CYP7A1: variants seen among roughly 807,000 people sequenced by gnomAD.
CYP7A1 encodes the protein cytochrome P450 family 7 subfamily A member 1.
CYP7A1 carries 28 observed loss-of-function variants against 43.8 expected under a neutral mutation model. The ratio of observed to expected loss-of-function variants is 0.64; its 90% CI spans 0.47 to 0.88. The LOEUF (loss-of-function observed/expected upper bound fraction) is 0.88, where lower values mean the gene tolerates loss of function less well. Ranked by LOEUF, CYP7A1 falls within the 40% of genes least tolerant of loss-of-function variation. The pLI is 0.00. For missense variants in CYP7A1, 637 were observed against 611.9 expected (o/e 1.04, Z -0.43); for synonymous variants, 227 against 222.5 (o/e 1.02, Z -0.18).
At chr8:58,495,145 T>A (rs764421090) in intron 3 of CYP7A1, among the ~76,000 whole-genome samples, 29 of 151,072 alleles carry the variant, frequency 1.9e-4, no homozygotes, top group East Asian at 9.7e-4. Context: ...AAAAAAAAAA[T>A]AATAATAATA....
chr8:58,494,724 T>C, intron 3 of CYP7A1, 88 bp from the exon 4 acceptor site: 2 of 1,216,886 alleles, frequency 1.6e-6, no homozygotes, highest in Non-Finnish European at 2.4e-6. Flanking sequence ...CCTTTCCCCC[T>C]TCTTTTAACT....
chr8:58,495,091 G>GC (rs933135979), intron 3 of CYP7A1, among the ~76,000 whole-genome samples: 1 of 150,894 alleles, frequency 6.6e-6, no homozygotes, highest in African/African-American at 2.4e-5. Flanking sequence ...CCATGATCGT[G>GC]CCACTGCATT....
At position 58,498,217 on chromosome 8, in the gene CYP7A1, A is replaced by T; in HGVS notation, c.321+12T>A. The T allele has an allele frequency of 6.2e-7, 1 of 1,613,884 alleles. No individual in the cohort carries two copies. The highest frequency in any genetic ancestry group is 2.2e-5 in the East Asian group (1 of 44,874). ...GACAAACAGAATGGTATATAAATGTAAAACTGCTTACCTTCGCAGAAGTAG... is the reference window on the plus strand; with the variant it reads ...GACAAACAGAATGGTATATAAATGTTAAACTGCTTACCTTCGCAGAAGTAG... On this transcript the variant is annotated intron_variant, in intron 2 of 5. Transcript: ENST00000301645.
chr8:58,492,448 GGTGCAAA>G lies in CYP7A1; in HGVS notation c.1113_1119del (p.His373ArgfsTer13). On this transcript the variant is annotated frameshift_variant, in exon 5 of 6. Transcript: ENST00000301645. LOFTEE classifies it high-confidence loss of function. ...CGGATGTTGTAGGAACCGTCCTCAA[GGTGCAAA>G]GTGAAATCCTCCTTAGCTGTCCGGA... The G allele has an allele frequency of 6.2e-7, 1 of 1,613,968 alleles. No homozygotes were observed. The highest frequency in any genetic ancestry group is 8.5e-7 in the Non-Finnish European group (1 of 1,179,886).
rs987197708 is a variant in CYP7A1 at position 58,490,816 on chromosome 8, C to T, written c.*659G>A. On this transcript the variant is annotated 3_prime_UTR_variant, in exon 6 of 6. Transcript: ENST00000301645. ...AAAATATTTCCTTTTTATTAAAAGACATAACTAATCATAATCATTTGAAAT... is the reference window on the plus strand; with the variant it reads ...AAAATATTTCCTTTTTATTAAAAGATATAACTAATCATAATCATTTGAAAT... 1 of 152,166 alleles carries T rather than the reference C, an allele frequency of 6.6e-6. No individual in the cohort carries two copies. The highest frequency in any genetic ancestry group is 1.5e-5 in the Non-Finnish European group (1 of 68,026). The allele number at this position is 152,166 out of a possible 1,614,324, so 9.4% of individuals were successfully genotyped here. A position where few individuals can be genotyped will look rare whatever the true frequency, so the allele number is the denominator to read the frequency against.
At chr8:58,493,706 TATC>T (rs1167575675) in intron 4 of CYP7A1, among the ~76,000 whole-genome samples, 8 of 152,298 alleles carry the variant, frequency 5.3e-5, no homozygotes, top group African/African-American at 1.9e-4. Context: ...ACTATAAACA[TATC>T]ATATTGTTGG....
chr8:58,496,865 A>G lies in CYP7A1; in HGVS notation c.647T>C (p.Phe216Ser). The change falls in exon 3 of 6, where the codon TTT (phenylalanine) becomes TCT (serine). Residue 216 changes from phenylalanine to serine, a missense_variant. Physicochemically the swap from Phe to Ser is radical, Grantham distance 155. Transcript: ENST00000301645. ...LDNFKQFDKV[F>S]PALVAGLPIH... is the part of the protein sequence containing the mutation. ...GGGGAGGCCTGCTACCAGGGCTGGA[A>G]AGACTTTGTCGAATTGCTTGAAGTT... 1 of 1,614,220 alleles carries G rather than the reference A, an allele frequency of 6.2e-7. No individual in the cohort carries two copies.
chr8:58,495,387 A>G (rs1368511693), intron 3 of CYP7A1, among the ~76,000 whole-genome samples: 2 of 151,618 alleles, frequency 1.3e-5, no homozygotes, highest in Admixed American at 6.6e-5. Flanking sequence ...CACCACGCCC[A>G]GCTAATTTTT....
Position 58,491,156 on chromosome 8 carries a change from A to G in CYP7A1, c.*319T>C, listed in dbSNP as rs1809345197. On this transcript the variant is annotated 3_prime_UTR_variant, in exon 6 of 6. Coordinates refer to ENST00000301645, the MANE Select transcript of CYP7A1 (RefSeq NM_000780.4). ...GGCTGTAATGTGTATCTTCATTTTG[A>G]AAAAAAATAAAATAAAGGTGTTTTC... 3.2e-6 allele frequency: 1 copy of G among 311,510 alleles called. No homozygotes were observed. Among genetic ancestry groups the G allele is most frequent in the South Asian group, 4.5e-5 (1 of 22,242 alleles). 19.3% of individuals were successfully genotyped at this position (311,510 alleles called of 1,614,324 possible).
At chr8:58,497,307 G>T in intron 2 of CYP7A1, 117 bp from the exon 3 acceptor site, 1 of 883,676 alleles carries the variant, frequency 1.1e-6, no homozygotes, top group Non-Finnish European at 1.8e-6. Flanking sequence ...CGGGAAATTG[G>T]CTTTCCCTTG....
At chr8:58,496,318 C>T (rs1356062369) in intron 3 of CYP7A1, among the ~76,000 whole-genome samples, 3 of 152,304 alleles carry the variant, frequency 2.0e-5, no homozygotes, top group Non-Finnish European at 4.4e-5. Context: ...GGCCAGGCAG[C>T]CTGAATTGAC....
At position 58,500,072 on chromosome 8, in the gene CYP7A1, C is replaced by G. The variant is rs376891373; in HGVS notation, c.27G>C (p.Gly9=). Residue 9 remains glycine (G), a synonymous_variant, in exon 1 of 6, where the codon GGG becomes GGC. Transcript: ENST00000301645. The part of the protein sequence containing the change: MMTTSLIW[G]IAIAACCCLW... The stretch of plus-strand genomic sequence containing the variant: ...GACAACAGCATGCTGCTATAGCAAT[C>G]CCCCAAATCAAAGATGTGGTCATCA... 5.0e-6 allele frequency: 8 copies of G among 1,612,790 alleles called. No homozygotes were observed. In the African/African-American group the frequency reaches 1.1e-4, roughly 22 times the overall value.
chr8:58,491,205 C>T lies in CYP7A1; in HGVS notation c.*270G>A. 2.4e-6 allele frequency: 1 copy of T among 422,466 alleles called. No individual in the cohort carries two copies. The highest frequency in any genetic ancestry group is 3.7e-5 in the East Asian group (1 of 27,002). 26.2% of individuals were successfully genotyped at this position (422,466 alleles called of 1,614,324 possible). On this transcript the variant is annotated 3_prime_UTR_variant, in exon 6 of 6. Coordinates refer to ENST00000301645, the MANE Select transcript of CYP7A1 (RefSeq NM_000780.4). ...TCCTTTGAAAATAATAAACTTCAAT[C>T]CCTGGCTATATGAACATTCATGGAC...
chr8:58,497,852 G>C (rs1310244293), intron 2 of CYP7A1, among the ~76,000 whole-genome samples: 1 of 152,076 alleles, frequency 6.6e-6, no homozygotes, highest in East Asian at 1.9e-4. Context: ...ATGAAACACT[G>C]TGTGGCACAA....
chr8:58,491,827 A>T, intron 5 of CYP7A1, 53 bp from the exon 6 acceptor site: 1 of 1,470,434 alleles, frequency 6.8e-7, no homozygotes, highest in Non-Finnish European at 9.5e-7. Context: ...AAAGAAATTT[A>T]TCTCTTTCTA....
intron 3 of CYP7A1, among the ~76,000 whole-genome samples, chr8:58,495,403 G>A (rs1276817738): frequency 1.3e-5 from 2 of 151,298 alleles, no homozygotes; most frequent in Non-Finnish European, 2.9e-5. Context: ...TTTTTTGTAT[G>A]TTTTTTAGTA....
At chr8:58,492,286 AT>A (rs1809362944) in intron 5 of CYP7A1, 66 bp downstream of exon 5, 9 of 1,240,026 alleles carry the variant, frequency 7.3e-6, no homozygotes, top group Non-Finnish European at 1.1e-5. Flanking sequence ...ACCATTGTAA[AT>A]TTCCTCTTTA....
chr8:58,497,350 C>A (rs1225573613), intron 2 of CYP7A1, among the ~76,000 whole-genome samples, 160 bp from the exon 3 acceptor site: 1 of 152,162 alleles, frequency 6.6e-6, no homozygotes, highest in Non-Finnish European at 1.5e-5. Flanking sequence ...AATAAATGAC[C>A]AAACTGTACC....
chr8:58,496,586 G>A lies in CYP7A1; in HGVS notation c.908+18C>T. ...TTCTACTAAAATAAAAAAAAGAAAT[G>A]GATATGGCGTTAGTCACCTAATCAT... On this transcript the variant is annotated intron_variant, in intron 3 of 5. Coordinates refer to ENST00000301645, the MANE Select transcript of CYP7A1 (RefSeq NM_000780.4). 2.5e-6 allele frequency: 4 copies of A among 1,585,990 alleles called. No homozygotes were observed. Among genetic ancestry groups the A allele is most frequent in the Non-Finnish European group, 3.5e-6 (4 of 1,155,640 alleles).
Sources: allele counts gnomAD v4.1 joint callset (sites outside exome capture counted in the v4.1 genomes callset), GRCh38; gene constraint gnomAD v4.1.1; transcripts MANE v1.5; gene names NCBI Gene and HGNC (gene_info 2026-07-23, HGNC 2026-07-21).